Variants in PNPLA3 observed in about 807,000 individuals in gnomAD.
PNPLA3 encodes the protein 1-acylglycerol-3-phosphate O-acyltransferase PNPLA3.
PNPLA3 carries 42 observed loss-of-function variants against 43.1 expected under a neutral mutation model. That is an observed-to-expected ratio of 0.97 (90% CI 0.76 to 1.26). PNPLA3 has a LOEUF of 1.26. Ranked by LOEUF, PNPLA3 falls within the 50% of genes most tolerant of loss-of-function variation. The pLI is 0.00. For missense variants in PNPLA3, 647 were observed against 621.4 expected (o/e 1.04, Z -0.44); for synonymous variants, 272 against 253.6 (o/e 1.07, Z -0.69).
chr22:43,943,261 C>T (rs1367115928), intron 7 of PNPLA3, among the ~76,000 whole-genome samples: 3 of 151,850 alleles, frequency 2.0e-5, no homozygotes, highest in Non-Finnish European at 4.4e-5. Flanking sequence ...TCATCTTTCT[C>T]TTTTATGCTA....
chr22:43,938,321 G>A (rs769574167), intron 6 of PNPLA3, among the ~76,000 whole-genome samples: 5 of 152,196 alleles, frequency 3.3e-5, no homozygotes, highest in Admixed American at 2.0e-4. Context: ...GGACACAGCA[G>A]CTGCCCAGGT....
rs973758799 is a variant in PNPLA3, at chr22:43,928,952, C to T, written c.486+63C>T. The T allele has an allele frequency of 2.7e-6, 4 of 1,493,460 alleles. No individual in the cohort carries two copies. In the East Asian group the frequency reaches 6.8e-5, roughly 25 times the overall value. The allele number at this position is 1,493,460 out of a possible 1,614,324, so 92.5% of individuals were successfully genotyped here. On this transcript the variant is annotated intron_variant, in intron 3 of 8. Transcript: ENST00000216180. ...GCCTCTGAAGTGTGCTCACACATCT[C>T]CTGCCTGCAGGGCACTGGTGTCGGG...
At chr22:43,937,504 A>G (rs1569014212) in intron 6 of PNPLA3, among the ~76,000 whole-genome samples, 1 of 152,048 alleles carries the variant, frequency 6.6e-6, no homozygotes, top group Non-Finnish European at 1.5e-5. Context: ...GGTCATGACC[A>G]GGAGGAAAAC....
chr22:43,938,580 A>G (rs1343270559), intron 6 of PNPLA3, among the ~76,000 whole-genome samples: 1 of 152,190 alleles, frequency 6.6e-6, no homozygotes, highest in Non-Finnish European at 1.5e-5. Flanking sequence ...ATACACTTTT[A>G]AACAACCAGA....
chr22:43,936,687 A>G (rs563665738), intron 5 of PNPLA3, among the ~76,000 whole-genome samples: 1 of 152,172 alleles, frequency 6.6e-6, no homozygotes, highest in Non-Finnish European at 1.5e-5. Context: ...GGAGATGATG[A>G]TAGTGGTTTC....
intron 6 of PNPLA3, chr22:43,939,414 T>A (rs2050016620): frequency 1.0e-6 from 1 of 980,708 alleles, no homozygotes; most frequent in Non-Finnish European, 1.2e-6. Context: ...CAAACATATT[T>A]GTCAATTTAA....
intron 6 of PNPLA3, among the ~76,000 whole-genome samples, chr22:43,939,702 G>C (rs907352214): frequency 1.3e-5 from 2 of 152,226 alleles, no homozygotes; most frequent in Non-Finnish European, 2.9e-5. Flanking sequence ...TGTAATCCCA[G>C]CTACTTGGGA....
intron 7 of PNPLA3, among the ~76,000 whole-genome samples, chr22:43,943,496 G>A (rs567424814): frequency 4.6e-5 from 7 of 152,152 alleles, no homozygotes; most frequent in African/African-American, 7.2e-5. Context: ...CTGGCTCCCC[G>A]TGCTCTGCCT....
intron 6 of PNPLA3, chr22:43,939,448 T>C (rs1235869770): frequency 1.1e-6 from 1 of 946,290 alleles, no homozygotes; most frequent in Non-Finnish European, 1.3e-6. Flanking sequence ...GGGGACCCTA[T>C]GCTCCGTAAG....
chr22:43,932,312 GTTTCA>G (rs1265964486), intron 3 of PNPLA3, among the ~76,000 whole-genome samples: 1 of 152,174 alleles, frequency 6.6e-6, no homozygotes, highest in Non-Finnish European at 1.5e-5. Flanking sequence ...CAGGTTCATT[GTTTCA>G]TTTAAGTCTC....
Position 43,934,482 on chromosome 22 carries a change from C to A in PNPLA3, c.697-124C>A, listed in dbSNP as rs558800522. On this transcript the variant is annotated intron_variant, in intron 4 of 8. Coordinates refer to ENST00000216180, the MANE Select transcript of PNPLA3 (RefSeq NM_025225.3). ...TGCTCAGCCCCCAGGTGGCTCAGTGCCCCCAGCCAGCAGACTCAGAGCTTG... is the reference window on the plus strand; with the variant it reads ...TGCTCAGCCCCCAGGTGGCTCAGTGACCCCAGCCAGCAGACTCAGAGCTTG... 8 of 977,618 alleles carry A rather than the reference C, an allele frequency of 8.2e-6. No individual in the cohort carries two copies. In the South Asian group the frequency reaches 8.8e-5, roughly 11 times the overall value. 60.6% of individuals were successfully genotyped at this position (977,618 alleles called of 1,614,324 possible). A position where few individuals can be genotyped will look rare whatever the true frequency, so the allele number is the denominator to read the frequency against.
intron 7 of PNPLA3, among the ~76,000 whole-genome samples, chr22:43,942,658 C>T (rs1274947799): frequency 6.8e-6 from 1 of 147,170 alleles, no homozygotes; most frequent in Non-Finnish European, 1.5e-5. Flanking sequence ...AAATTATCTT[C>T]TATTGTTATT....
At chr22:43,946,005 G>C in intron 8 of PNPLA3, 149 bp from the exon 9 acceptor site, 1 of 747,116 alleles carries the variant, frequency 1.3e-6, no homozygotes, top group Middle Eastern at 3.6e-4. Context: ...AGCACTGAGG[G>C]CTAGAAGAAG....
chr22:43,933,310 CT>C (rs2049973851), intron 4 of PNPLA3, among the ~76,000 whole-genome samples: 2 of 152,202 alleles, frequency 1.3e-5, no homozygotes, highest in Admixed American at 1.3e-4. Context: ...CTCAGATCCA[CT>C]TCCCAGGCTG....
intron 4 of PNPLA3, among the ~76,000 whole-genome samples, chr22:43,933,611 C>T (rs1049833555): frequency 3.9e-5 from 6 of 152,038 alleles, no homozygotes; most frequent in Non-Finnish European, 8.8e-5. Flanking sequence ...TGGCCTCAAG[C>T]GATCCTCCCA....
At chr22:43,938,983 TG>T (rs1288627343) in intron 6 of PNPLA3, among the ~76,000 whole-genome samples, 2 of 152,218 alleles carry the variant, frequency 1.3e-5, no homozygotes, top group Non-Finnish European at 2.9e-5. Context: ...GAGTGTGCAG[TG>T]GCGTGATCTT....
intron 4 of PNPLA3, among the ~76,000 whole-genome samples, chr22:43,933,815 G>C (rs777919519): frequency 1.1e-4 from 16 of 152,214 alleles, no homozygotes; most frequent in Non-Finnish European, 1.9e-4. Flanking sequence ...AACCTTTGGT[G>C]CTCCTGGGGA....
chr22:43,935,102 C>T (rs780396729), intron 5 of PNPLA3, among the ~76,000 whole-genome samples: 5 of 152,198 alleles, frequency 3.3e-5, no homozygotes, highest in Non-Finnish European at 5.9e-5. Context: ...TCCAAGCCCA[C>T]TAGACAAGTT....
chr22:43,945,261 C>T lies in PNPLA3; in HGVS notation c.1217+466C>T, dbSNP rs117089907. ...TGGCTAGGTGCCTGGTAATGCAAGC[C>T]CCCTGTCCTCCACCCTCTGTTGTAC... On this transcript the variant is annotated intron_variant, in intron 8 of 8. Transcript: ENST00000216180. 1.4e-3 allele frequency among the ~76,000 whole-genome samples: 215 copies of T among 152,266 alleles called. 4 individuals are homozygous for T. The East Asian group carries it at 0.037, about 26-fold the overall frequency.
Sources: allele counts gnomAD v4.1 joint callset (sites outside exome capture counted in the v4.1 genomes callset), GRCh38; gene constraint gnomAD v4.1.1; transcripts MANE v1.5; gene names NCBI Gene and HGNC (gene_info 2026-07-23, HGNC 2026-07-21).